PPM1L: variants seen among roughly 807,000 people sequenced by gnomAD.
The protein encoded by PPM1L is protein phosphatase 1L.
PPM1L carries 13 observed loss-of-function variants against 31.4 expected under a neutral mutation model. The observed-to-expected ratio is 0.41, with a 90% CI of 0.27 to 0.66. The LOEUF (loss-of-function observed/expected upper bound fraction) is 0.66, where lower values mean the gene tolerates loss of function less well. PPM1L is among the 30% of genes least tolerant of loss of function. The pLI is 0.29. For synonymous variants in PPM1L, 184 were observed against 175.4 expected (o/e 1.05, Z -0.39); for missense variants, 326 against 453.7 (o/e 0.72, Z 2.56).
At chr3:160,833,313 TTTCTAGGTATTTGAGG>T (rs1176922387) in intron 1 of PPM1L, among the ~76,000 whole-genome samples, 22 of 152,186 alleles carry the variant, frequency 1.4e-4, no homozygotes. Flanking sequence ...TCAAATGGTA[TTTCTAGGTATTTGAGG>T]TTCTAGGTAT....
At chr3:160,784,892 A>T (rs1711859095) in intron 1 of PPM1L, among the ~76,000 whole-genome samples, 1 of 152,248 alleles carries the variant, frequency 6.6e-6, no homozygotes, top group Non-Finnish European at 1.5e-5. Flanking sequence ...TGTGCTGATC[A>T]ACAAGCTAGG....
chr3:160,972,320 G>T (rs1481333092), intron 2 of PPM1L, among the ~76,000 whole-genome samples: 1 of 151,542 alleles, frequency 6.6e-6, no homozygotes, highest in Non-Finnish European at 1.5e-5. Flanking sequence ...TTTAACATTA[G>T]GTATATCTCC....
intron 1 of PPM1L, among the ~76,000 whole-genome samples, chr3:160,913,573 GC>G (rs1714045497): frequency 6.6e-6 from 1 of 151,930 alleles, no homozygotes; most frequent in African/African-American, 2.4e-5. Context: ...CTGATCCTTG[GC>G]CCCAGGCAAT....
At chr3:160,962,708 T>G in intron 2 of PPM1L, among the ~76,000 whole-genome samples, 1 of 152,114 alleles carries the variant, frequency 6.6e-6, no homozygotes, top group East Asian at 1.9e-4. Flanking sequence ...CAAGTATTTT[T>G]TAGCATGCAT....
At chr3:161,038,647 CT>C (rs1307461370) in intron 2 of PPM1L, among the ~76,000 whole-genome samples, 1 of 136,236 alleles carries the variant, frequency 7.3e-6, no homozygotes, top group Non-Finnish European at 1.6e-5. Context: ...CTTTTTCATT[CT>C]TTATTGTCAG....
chr3:160,794,855 G>T (rs1044743875), intron 1 of PPM1L, among the ~76,000 whole-genome samples: 1 of 152,174 alleles, frequency 6.6e-6, no homozygotes, highest in Non-Finnish European at 1.5e-5. Flanking sequence ...ATTCAAAGCT[G>T]TCCTGGGCTG....
At chr3:160,870,996 T>C (rs1712284235) in intron 1 of PPM1L, among the ~76,000 whole-genome samples, 1 of 152,206 alleles carries the variant, frequency 6.6e-6, no homozygotes, top group Non-Finnish European at 1.5e-5. Flanking sequence ...TTAAACAGCA[T>C]GACCCTTTGA....
At chr3:160,889,799 C>T (rs1713070448) in intron 1 of PPM1L, among the ~76,000 whole-genome samples, 1 of 152,186 alleles carries the variant, frequency 6.6e-6, no homozygotes, top group Admixed American at 6.5e-5. Context: ...AAAAACGTAT[C>T]CACCACAATC....
intron 1 of PPM1L, among the ~76,000 whole-genome samples, chr3:160,897,295 C>A (rs1252825694): frequency 1.3e-5 from 2 of 152,104 alleles, no homozygotes; most frequent in Non-Finnish European, 2.9e-5. Context: ...CCCGACTTGG[C>A]CTCCCAAAGT....
intron 2 of PPM1L, among the ~76,000 whole-genome samples, chr3:160,991,766 T>C (rs1277419648): frequency 6.6e-6 from 1 of 152,192 alleles, no homozygotes; most frequent in African/African-American, 2.4e-5. Context: ...AACTGGAAAT[T>C]GACCAGCCTA....
intron 1 of PPM1L, among the ~76,000 whole-genome samples, chr3:160,763,820 T>C (rs1199108657): frequency 6.6e-6 from 1 of 152,022 alleles, no homozygotes. Context: ...CTCAGGAGCG[T>C]GGGCCATTGT....
At chr3:160,934,575 A>G (rs534455729) in intron 1 of PPM1L, among the ~76,000 whole-genome samples, 3 of 152,336 alleles carry the variant, frequency 2.0e-5, no homozygotes, top group East Asian at 1.9e-4. Context: ...AATGATATAC[A>G]TCATTATTTT....
At chr3:160,807,939 A>G (rs1449813153) in intron 1 of PPM1L, among the ~76,000 whole-genome samples, 1 of 152,098 alleles carries the variant, frequency 6.6e-6, no homozygotes, top group East Asian at 1.9e-4. Context: ...TATAAAGACT[A>G]TGAGATGATA....
chr3:160,794,871 G>C (rs1170957631), intron 1 of PPM1L, among the ~76,000 whole-genome samples: 2 of 152,190 alleles, frequency 1.3e-5, no homozygotes, highest in Non-Finnish European at 2.9e-5. Context: ...GGCTGCATGT[G>C]GCCCACGGGT....
chr3:160,778,036 A>G (rs1024773927), intron 1 of PPM1L, among the ~76,000 whole-genome samples: 4 of 152,082 alleles, frequency 2.6e-5, no homozygotes, highest in Non-Finnish European at 5.9e-5. Flanking sequence ...TTGATATTTT[A>G]TAATATTTGG....
chr3:160,784,670 C>T (rs1711849622), intron 1 of PPM1L, among the ~76,000 whole-genome samples: 1 of 152,150 alleles, frequency 6.6e-6, no homozygotes, highest in African/African-American at 2.4e-5. Flanking sequence ...TTTTTCTCTC[C>T]CTACATGCTC....
At chr3:161,030,514 G>A (rs1478317281) in intron 2 of PPM1L, among the ~76,000 whole-genome samples, 1 of 152,092 alleles carries the variant, frequency 6.6e-6, no homozygotes, top group Non-Finnish European at 1.5e-5. Context: ...AAATCACCTA[G>A]TCTCAGGTAT....
intron 1 of PPM1L, among the ~76,000 whole-genome samples, chr3:160,954,221 GTTTTA>G (rs1324678210): frequency 1.3e-5 from 2 of 151,806 alleles, no homozygotes; most frequent in Non-Finnish European, 2.9e-5. Context: ...TAGAAATATT[GTTTTA>G]TTTTATAGAA....
intron 1 of PPM1L, among the ~76,000 whole-genome samples, chr3:160,768,965 C>G (rs749609343): frequency 4.6e-5 from 7 of 152,176 alleles, no homozygotes; most frequent in Non-Finnish European, 8.8e-5. Flanking sequence ...TAACTACATC[C>G]AGAGACATGA....
Sources: allele counts gnomAD v4.1 joint callset (sites outside exome capture counted in the v4.1 genomes callset), GRCh38; gene constraint gnomAD v4.1.1; transcripts MANE v1.5; gene names NCBI Gene and HGNC (gene_info 2026-07-23, HGNC 2026-07-21).